The following ZBTB46 variants were observed in gnomAD, a reference collection of about 807,000 sequenced individuals.
ZBTB46 encodes the protein zinc finger and BTB domain containing 46, also known as zinc finger and BTB domain-containing protein 46.
In ZBTB46, 8 loss-of-function variants were observed where a neutral mutation model predicts 44.1. The ratio of observed to expected loss-of-function variants is 0.18; its 90% CI spans 0.11 to 0.33. The LOEUF is 0.33. ZBTB46 is among the 10% of genes least tolerant of loss of function. ZBTB46 has a pLI of 1.00. For synonymous variants in ZBTB46, 409 were observed against 382.3 expected (o/e 1.07, Z -0.81); for missense variants, 651 against 847.7 (o/e 0.77, Z 2.88).
At chr20:63,763,336 G>A (rs559198964) in intron 3 of ZBTB46, among the ~76,000 whole-genome samples, 1 of 152,050 alleles carries the variant, frequency 6.6e-6, no homozygotes, top group South Asian at 2.1e-4. Flanking sequence ...GGCCATTCTT[G>A]CACTGCTATA....
intron 1 of ZBTB46, among the ~76,000 whole-genome samples, chr20:63,818,339 C>T (rs1292219174): frequency 1.3e-5 from 2 of 152,220 alleles, no homozygotes; most frequent in East Asian, 1.9e-4. Flanking sequence ...ATCCAAGTCA[C>T]GGTCCCCTCC....
chr20:63,805,910 TTA>T (rs2092678372), intron 1 of ZBTB46, among the ~76,000 whole-genome samples: 1 of 151,766 alleles, frequency 6.6e-6, no homozygotes, highest in Non-Finnish European at 1.5e-5. Flanking sequence ...GTAGCTGGGA[TTA>T]TAGGTGTGTG....
chr20:63,825,847 G>C (rs1401182153), intron 1 of ZBTB46, among the ~76,000 whole-genome samples: 1 of 152,238 alleles, frequency 6.6e-6, no homozygotes, highest in East Asian at 1.9e-4. Flanking sequence ...CTTCTGCCCA[G>C]TTAAGAGCCA....
intron 3 of ZBTB46, among the ~76,000 whole-genome samples, chr20:63,766,230 T>C (rs1156454924): frequency 1.7e-5 from 1 of 58,878 alleles, no homozygotes; most frequent in Non-Finnish European, 3.4e-5. Flanking sequence ...TTTTTTTTTT[T>C]TTGAGAGGGA....
chr20:63,795,119 T>C (rs2092591265), intron 1 of ZBTB46, among the ~76,000 whole-genome samples: 1 of 152,210 alleles, frequency 6.6e-6, no homozygotes, highest in South Asian at 2.1e-4. Flanking sequence ...GCCTCTGCTG[T>C]CTCCTCCAAA....
chr20:63,764,127 C>T (rs979631535), intron 3 of ZBTB46, among the ~76,000 whole-genome samples: 2 of 152,032 alleles, frequency 1.3e-5, no homozygotes, highest in South Asian at 4.1e-4. Context: ...AGCCATTACA[C>T]CCAGCTAATT....
At chr20:63,768,794 T>C (rs1056024515) in intron 3 of ZBTB46, among the ~76,000 whole-genome samples, 8 of 152,186 alleles carry the variant, frequency 5.3e-5, no homozygotes, top group Non-Finnish European at 7.4e-5. Flanking sequence ...ACCAGGGCTC[T>C]GTGAGGCTCG....
At chr20:63,784,942 G>C (rs533791616) in intron 2 of ZBTB46, among the ~76,000 whole-genome samples, 6 of 152,310 alleles carry the variant, frequency 3.9e-5, no homozygotes, top group Admixed American at 3.3e-4. Context: ...CCTTAGAAAA[G>C]AGACTTTGTG....
rs35043743 is a variant in ZBTB46 at position 63,813,447 on chromosome 20, C to CAAA, written c.-34+17647_-34+17649dup. ...CTGGAGACAGAGCAAGACTCCATCT[C>CAAA]AAAAAAAAAAAATAAATAAATAAAT... On this transcript the variant is annotated intron_variant, in intron 1 of 4. Transcript: ENST00000245663. Among the ~76,000 whole-genome samples, 221 of 141,546 alleles carry CAAA rather than the reference C, an allele frequency of 1.6e-3. 6 individuals carry two copies. The East Asian group carries it at 0.037, about 23-fold the overall frequency. The allele number at this position is 141,546 out of a possible 152,430, so 92.9% of individuals were successfully genotyped here. A position where few individuals can be genotyped will look rare whatever the true frequency, so the allele number is the denominator to read the frequency against.
chr20:63,793,308 A>G (rs6010652), intron 1 of ZBTB46, among the ~76,000 whole-genome samples: 22,818 of 152,184 alleles, frequency 0.15, 2,491 homozygotes, highest in East Asian at 0.44. Flanking sequence ...GAGGCCGCCC[A>G]GTGGTTCTTG....
At chr20:63,781,788 T>TC (rs1168904405) in intron 2 of ZBTB46, among the ~76,000 whole-genome samples, 22 of 100,374 alleles carry the variant, frequency 2.2e-4, no homozygotes, top group African/African-American at 7.3e-4. Flanking sequence ...CGAGACTCTG[T>TC]CAAAAAAAAA....
At chr20:63,772,858 C>G (rs988513935) in intron 3 of ZBTB46, among the ~76,000 whole-genome samples, 21 of 152,304 alleles carry the variant, frequency 1.4e-4, no homozygotes, top group East Asian at 1.9e-4. Flanking sequence ...GGGAGAGGCC[C>G]TGGGAAAAAG....
At chr20:63,783,685 G>C (rs2092489279) in intron 2 of ZBTB46, among the ~76,000 whole-genome samples, 1 of 152,190 alleles carries the variant, frequency 6.6e-6, no homozygotes, top group Non-Finnish European at 1.5e-5. Context: ...ACAGGGGAGT[G>C]GATTAAAAGA....
At chr20:63,753,927 G>A (rs1295681227) in intron 3 of ZBTB46, among the ~76,000 whole-genome samples, 1 of 152,232 alleles carries the variant, frequency 6.6e-6, no homozygotes, top group East Asian at 1.9e-4. Flanking sequence ...AGTGGGATAA[G>A]CACCTGCCCT....
chr20:63,745,674 T>C lies in ZBTB46; in HGVS notation c.*1256A>G, dbSNP rs1410625364. The C allele has an allele frequency of 1.3e-5, 2 of 152,274 alleles. No individual in the cohort carries two copies. Among genetic ancestry groups the C allele is most frequent in the Admixed American group, 6.5e-5 (1 of 15,290 alleles). 9.4% of individuals were successfully genotyped at this position (152,274 alleles called of 1,614,324 possible). On this transcript the variant is annotated 3_prime_UTR_variant, in exon 5 of 5. Transcript: ENST00000245663. The stretch of plus-strand genomic sequence containing the variant: ...GGGGGTGAAGGATGGAATGTCCTCA[T>C]GGTGAGTGCTGTCAGAGGCAGGCCT...
At chr20:63,776,433 T>C (rs1161211169) in intron 2 of ZBTB46, among the ~76,000 whole-genome samples, 1 of 152,232 alleles carries the variant, frequency 6.6e-6, no homozygotes, top group East Asian at 1.9e-4. Flanking sequence ...AATAGGTTCT[T>C]AGATACAAAA....
Position 63,791,443 on chromosome 20 carries a change from C to T in ZBTB46, c.-33-653G>A, listed in dbSNP as rs1034954301. Reference sequence around the variant, plus strand: ...CCCGGGAGGCGGAGCCTGCAGTGAGCCGAGATCGCGCCAGTGCACTCCAGC... The same window carrying T: ...CCCGGGAGGCGGAGCCTGCAGTGAGTCGAGATCGCGCCAGTGCACTCCAGC... On this transcript the variant is annotated intron_variant, in intron 1 of 4. Coordinates refer to ENST00000245663, the MANE Select transcript of ZBTB46 (RefSeq NM_001369741.1). Among the ~76,000 whole-genome samples the T allele has an allele frequency of 2.0e-5, 3 of 147,270 alleles. No individual in the cohort carries two copies. In the East Asian group the frequency reaches 6.2e-4, roughly 30 times the overall value.
intron 1 of ZBTB46, among the ~76,000 whole-genome samples, chr20:63,792,761 A>C (rs1010768531): frequency 6.6e-6 from 1 of 151,740 alleles, no homozygotes; most frequent in Non-Finnish European, 1.5e-5. Flanking sequence ...CAGATGATCC[A>C]CCCGCCTCGG....
At chr20:63,758,543 G>A (rs1052221662) in intron 3 of ZBTB46, among the ~76,000 whole-genome samples, 1 of 151,586 alleles carries the variant, frequency 6.6e-6, no homozygotes, top group African/African-American at 2.4e-5. Context: ...CTGTGTCTGT[G>A]TCCTACGACA....
Sources: allele counts gnomAD v4.1 joint callset (sites outside exome capture counted in the v4.1 genomes callset), GRCh38; gene constraint gnomAD v4.1.1; transcripts MANE v1.5; gene names NCBI Gene and HGNC (gene_info 2026-07-23, HGNC 2026-07-21).